Variants in SLC8A2 observed in about 807,000 individuals in gnomAD.
SLC8A2 encodes the protein sodium/calcium exchanger 2.
Under a neutral mutation model 70.2 loss-of-function variants are expected in SLC8A2, and 14 were observed. The ratio of observed to expected loss-of-function variants is 0.20; its 90% CI spans 0.13 to 0.31. SLC8A2 has a LOEUF of 0.31. SLC8A2 is among the 10% of genes least tolerant of loss of function. The pLI, the probability that SLC8A2 is intolerant of heterozygous loss-of-function variation, is 1.00. For missense variants in SLC8A2, 779 were observed against 1,320.1 expected, an observed-to-expected ratio of 0.59 and a Z score of 6.35; for synonymous variants, 575 against 594.3, an observed-to-expected ratio of 0.97 and a Z score of 0.47.
chr19:47,430,354 C>T lies in SLC8A2; in HGVS notation c.2501G>A (p.Trp834Ter). 6.2e-7 allele frequency: 1 copy of T among 1,612,152 alleles called. No individual in the cohort carries two copies. Among genetic ancestry groups the T allele is most frequent in the Non-Finnish European group, 8.5e-7 (1 of 1,179,470 alleles). The change falls in exon 10 of 10, where the codon TGG becomes TAG. Residue 834 changes from tryptophan to a stop codon, truncating the protein, a stop_gained. Transcript: ENST00000236877. LOFTEE classifies it high-confidence loss of function. This position sits in a 1 kb window ranked among gnomAD's most constrained non-coding sequence, Gnocchi z 5.9. ...VNVFLGLGVA[W>*]SVAAVYWAVQ... ...CGCCCAGTACACGGCGGCCACAGAC[C>T]AGGCGACGCCCAGGCCAAGGAACAC...
At chr19:47,461,676 A>C (rs1967396732) in intron 2 of SLC8A2, among the ~76,000 whole-genome samples, 5 of 152,246 alleles carry the variant, frequency 3.3e-5, no homozygotes, top group Non-Finnish European at 7.3e-5. Flanking sequence ...TGGGAAAAGG[A>C]GCCGAATGTT....
At chr19:47,440,927 G>C (rs74254159) in intron 6 of SLC8A2, among the ~76,000 whole-genome samples, 4,312 of 152,048 alleles carry the variant, frequency 0.028, 152 homozygotes, top group East Asian at 0.12. Context: ...CAAGAGATGG[G>C]GTTTCACCAT....
At chr19:47,446,430 G>A (rs1018674596) in intron 4 of SLC8A2, among the ~76,000 whole-genome samples, 4 of 151,938 alleles carry the variant, frequency 2.6e-5, no homozygotes, top group African/African-American at 7.3e-5. Context: ...GTGTCTGCGT[G>A]TTTTTTTTCT....
Position 47,457,136 on chromosome 19 carries a change from C to T in SLC8A2, c.1134G>A (p.Arg378=). 1 of 1,543,858 alleles carries T rather than the reference C, an allele frequency of 6.5e-7. No homozygotes were observed. The highest frequency in any genetic ancestry group is 8.7e-7 in the Non-Finnish European group (1 of 1,144,596). Residue 378 remains arginine (R), a synonymous_variant, in exon 3 of 10, where the codon AGG becomes AGA. Transcript: ENST00000236877. ...CGCCCGCGCCCTCGGCCGGCGCCGC[C>T]CTGCGCGAGGCGTCCGCCGCGTGTC... The part of the protein sequence containing the change: ...LRRHAADASR[R]AAPAEGAGED...
At chr19:47,450,700 AG>A (rs2122634058) in intron 3 of SLC8A2, among the ~76,000 whole-genome samples, 1 of 152,190 alleles carries the variant, frequency 6.6e-6, no homozygotes, top group East Asian at 1.9e-4. Flanking sequence ...AGCACCCAGG[AG>A]GGTGGGCTGA....
chr19:47,457,793 T>C (rs12980228), intron 2 of SLC8A2, among the ~76,000 whole-genome samples, 199 bp from the exon 3 acceptor site: 217 of 52,058 alleles, frequency 4.2e-3, no homozygotes, highest in Admixed American at 9.2e-3. Flanking sequence ...TTTCTTTTCT[T>C]TTCTCTTCCT....
chr19:47,440,262 G>C (rs992559637), intron 6 of SLC8A2, among the ~76,000 whole-genome samples: 3 of 152,018 alleles, frequency 2.0e-5, no homozygotes, highest in Non-Finnish European at 4.4e-5. Flanking sequence ...ATTCTAATCT[G>C]ATCCCACCAG....
chr19:47,464,932 G>C (rs1368541392), intron 2 of SLC8A2, among the ~76,000 whole-genome samples: 1 of 152,102 alleles, frequency 6.6e-6, no homozygotes, highest in Non-Finnish European at 1.5e-5. Context: ...TGAGAATATA[G>C]GTATAAATTA....
intron 1 of SLC8A2, among the ~76,000 whole-genome samples, chr19:47,470,711 G>A (rs1967525420): frequency 6.6e-6 from 1 of 152,250 alleles, no homozygotes; most frequent in Non-Finnish European, 1.5e-5. Flanking sequence ...GACTGGTCCA[G>A]TTACACGAGG....
chr19:47,469,555 T>C (rs892838969), intron 1 of SLC8A2, among the ~76,000 whole-genome samples: 1 of 152,182 alleles, frequency 6.6e-6, no homozygotes, highest in Non-Finnish European at 1.5e-5. Context: ...CACAGCCTAG[T>C]GCAATCCCTT....
In SLC8A2 at chr19:47,437,894, C is replaced by T. The variant is rs2122617716; in HGVS notation, c.1965G>A (p.Glu655=). ...CGATGATGACCTCCAGCCGGCAGTT[C>T]TCCCCAAGAACTGGCTTGCCCATCT... ...IAEMGKPVLG[E]NCRLEVIIEE... Residue 655 remains glutamate, a synonymous_variant, in exon 7 of 10, where the codon GAG becomes GAA. Coordinates refer to ENST00000236877, the MANE Select transcript of SLC8A2 (RefSeq NM_015063.3). 6.2e-7 allele frequency: 1 copy of T among 1,614,120 alleles called. No homozygotes were observed. The highest frequency in any genetic ancestry group is 8.5e-7 in the Non-Finnish European group (1 of 1,180,012).
Position 47,448,066 on chromosome 19 carries a change from G to A in SLC8A2, c.1506C>T (p.Pro502=). 1 of 1,586,966 alleles carries A rather than the reference G, an allele frequency of 6.3e-7. No individual in the cohort carries two copies. The highest frequency in any genetic ancestry group is 8.6e-7 in the Non-Finnish European group (1 of 1,166,408). Residue 502 remains proline (P), a synonymous_variant, in exon 4 of 10, where the codon CCC becomes CCT. Transcript: ENST00000236877. The surrounding 1 kb of genome is among the most constrained non-coding windows in gnomAD (Gnocchi z 4.8). The part of the protein sequence containing the change: ...GMFEPDGGGR[P]KGRLVAPLLA... ...GCAGCGGCGCCACCAGCCGCCCCTT[G>A]GGCCGCCCGCCGCCGTCCGGCTCGA...
Position 47,429,193 on chromosome 19 carries a change from A to G in SLC8A2, c.*896T>C, listed in dbSNP as rs1956957173. ...CGCTTTGATTCCCGGCCTCCTCCCC[A>G]AAGCTGGTTCTCATGGCTGAGGGAG... On this transcript the variant is annotated 3_prime_UTR_variant, in exon 10 of 10. Transcript: ENST00000236877. The G allele has an allele frequency of 6.6e-6, 1 of 152,524 alleles. No homozygotes were observed. The highest frequency in any genetic ancestry group is 2.1e-4 in the South Asian group (1 of 4,824). The allele number at this position is 152,524 out of a possible 1,614,324, so 9.4% of individuals were successfully genotyped here. A position where few individuals can be genotyped will look rare whatever the true frequency, so the allele number is the denominator to read the frequency against.
intron 1 of SLC8A2, among the ~76,000 whole-genome samples, chr19:47,470,191 T>C (rs1440179088): frequency 6.6e-6 from 1 of 152,134 alleles, no homozygotes; most frequent in East Asian, 1.9e-4. Context: ...ACCACAGAGC[T>C]TGGGTGCTCG....
intron 3 of SLC8A2, among the ~76,000 whole-genome samples, chr19:47,449,716 C>T (rs1012831155): frequency 4.6e-5 from 7 of 152,232 alleles, no homozygotes; most frequent in South Asian, 2.1e-4. Context: ...GACTTAGGGA[C>T]GGGTCACCTC....
In SLC8A2 at chr19:47,465,165, C is replaced by T. The variant is rs767893658; in HGVS notation, c.675+564G>A. On this transcript the variant is annotated intron_variant, in intron 2 of 9. Coordinates refer to ENST00000236877, the MANE Select transcript of SLC8A2 (RefSeq NM_015063.3). The surrounding 1 kb of genome is among the most constrained non-coding windows in gnomAD (Gnocchi z 5.5). ...ATGCAGATGTAGGTATATATCTATG[C>T]GAGCCCATGGATAAATTATGCAAAT... 9.9e-5 allele frequency among the ~76,000 whole-genome samples: 15 copies of T among 152,086 alleles called. No individual in the cohort carries two copies. Among genetic ancestry groups the T allele is most frequent in the South Asian group, 2.1e-4 (1 of 4,830 alleles).
intron 2 of SLC8A2, among the ~76,000 whole-genome samples, chr19:47,464,312 A>C (rs1370276040): frequency 6.6e-6 from 1 of 151,956 alleles, no homozygotes; most frequent in African/African-American, 2.4e-5. Context: ...GGGTTTCACC[A>C]TGTTGGCCAG....
intron 4 of SLC8A2, among the ~76,000 whole-genome samples, chr19:47,445,023 T>C (rs2054877298): frequency 6.6e-6 from 1 of 151,616 alleles, no homozygotes; most frequent in Non-Finnish European, 1.5e-5. Context: ...CTCTCTGCCT[T>C]TCAGTCTCCC....
intron 2 of SLC8A2, among the ~76,000 whole-genome samples, chr19:47,463,535 C>T (rs1225030383): frequency 1.3e-5 from 2 of 149,934 alleles, no homozygotes; most frequent in African/African-American, 4.9e-5. Flanking sequence ...AGTTCGAGAC[C>T]AGCCTGGCCA....
Sources: allele counts gnomAD v4.1 joint callset (sites outside exome capture counted in the v4.1 genomes callset), GRCh38; gene constraint gnomAD v4.1.1; non-coding constraint Gnocchi (gnomAD v3.1); transcripts MANE v1.5; gene names NCBI Gene and HGNC (gene_info 2026-07-23, HGNC 2026-07-21).